PLCG1: variants seen among roughly 807,000 people sequenced by gnomAD.
PLCG1 encodes 1-phosphatidylinositol 4,5-bisphosphate phosphodiesterase gamma-1.
In PLCG1, 71 loss-of-function variants were observed where a neutral mutation model predicts 177.8. The ratio of observed to expected loss-of-function variants is 0.40; its 90% CI spans 0.33 to 0.49. PLCG1 has a LOEUF of 0.49. PLCG1 is among the 20% of genes least tolerant of loss of function. The pLI is 0.72. For synonymous variants in PLCG1, 658 were observed against 647.9 expected (o/e 1.02, Z -0.24); for missense variants, 1,281 against 1,709.0 (o/e 0.75, Z 4.42).
At chr20:41,169,556 T>C (rs1238354740) in intron 23 of PLCG1, 30 bp downstream of exon 23, 1 of 1,541,984 alleles carries the variant, frequency 6.5e-7, no homozygotes. Context: ...TCTTGCCCAC[T>C]GTTCCCTAGG....
chr20:41,164,279 CT>C lies in PLCG1; in HGVS notation c.1217+79del. The C allele has an allele frequency of 7.0e-7, 1 of 1,438,698 alleles. No homozygotes were observed. 89.1% of individuals were successfully genotyped at this position (1,438,698 alleles called of 1,614,324 possible). ...TCTAGAGGGACAGAGGGCAGAAAGA[CT>C]CCTCAAATGCCCTGTCCCCTCTCCC... On this transcript the variant is annotated intron_variant, in intron 12 of 31. Transcript: ENST00000685551. The surrounding 1 kb of genome is among the most constrained non-coding windows in gnomAD (Gnocchi z 6.4).
rs2229348 is a variant in PLCG1 at position 41,162,670 on chromosome 20, C to A, written c.626C>A (p.Thr209Asn). ...TDLEQRSGDITYGQFAQLYRS... is the reference protein window; with the variant it reads ...TDLEQRSGDINYGQFAQLYRS... ...CTGGAGCAGCGCAGCGGGGACATCA[C>A]CTACGGGCAGTTTGCTCAGCTGTAC... Residue 209 changes from threonine (T) to asparagine (N), a missense_variant, in exon 6 of 32, where the codon ACC becomes AAC. Physicochemically the swap from Thr to Asn is moderately conservative, Grantham distance 65. Coordinates refer to ENST00000685551, the MANE Select transcript of PLCG1 (RefSeq NM_002660.3). The A allele has an allele frequency of 7.8e-5, 126 of 1,614,030 alleles. No homozygotes were observed. The African/African-American group carries it at 1.6e-3, about 20-fold the overall frequency.
At position 41,174,081 on chromosome 20, in the gene PLCG1, C is replaced by T; in HGVS notation, c.3646-43C>T. The T allele has an allele frequency of 6.2e-7, 1 of 1,604,182 alleles. No individual in the cohort carries two copies. Among genetic ancestry groups the T allele is most frequent in the Non-Finnish European group, 8.5e-7 (1 of 1,171,290 alleles). On this transcript the variant is annotated intron_variant, in intron 30 of 31. Transcript: ENST00000685551. The surrounding 1 kb of genome is among the most constrained non-coding windows in gnomAD (Gnocchi z 5.8). ...AGCCAGGCAGCAGCCTCTAGAAGTG[C>T]AGAGGAGTCATTGACCCTCTTGTGC...
chr20:41,159,957 T>C lies in PLCG1; in HGVS notation c.458T>C (p.Ile153Thr), dbSNP rs1441800729. 6.2e-7 allele frequency: 1 copy of C among 1,613,110 alleles called. No individual in the cohort carries two copies. Residue 153 changes from isoleucine (I) to threonine (T), a missense_variant, in exon 3 of 32, where the codon ATT (isoleucine) becomes ACT (threonine). By Grantham distance (89) the Ile-to-Thr change is moderately conservative (BLOSUM62 -1). Transcript: ENST00000685551. The surrounding 1 kb of genome is among the most constrained non-coding windows in gnomAD (Gnocchi z 6.0). ...DTLQAPTPLQ[I>T]ERWLRKQFYS... is the part of the protein sequence containing the mutation. Reference sequence around the variant, plus strand: ...TTGCAGGCACCCACACCCCTGCAGATTGAGAGGTAAGAACCACTCCTGAAG... The same window carrying C: ...TTGCAGGCACCCACACCCCTGCAGACTGAGAGGTAAGAACCACTCCTGAAG...
At chr20:41,161,307 C>T (rs960812276) in intron 4 of PLCG1, among the ~76,000 whole-genome samples, 4 of 152,014 alleles carry the variant, frequency 2.6e-5, no homozygotes, top group South Asian at 4.2e-4. Flanking sequence ...GTCACCCTAG[C>T]GGTGAGGGGC....
At position 41,137,854 on chromosome 20, in the gene PLCG1, G is replaced by A. The variant is rs776963671; in HGVS notation, c.213G>A (p.Gly71=). 3 of 1,282,060 alleles carry A rather than the reference G, an allele frequency of 2.3e-6. No homozygotes were observed. Among genetic ancestry groups the A allele is most frequent in the African/African-American group, 1.5e-5 (1 of 65,472 alleles). The allele number at this position is 1,282,060 out of a possible 1,614,324, so 79.4% of individuals were successfully genotyped here. A position where few individuals can be genotyped will look rare whatever the true frequency, so the allele number is the denominator to read the frequency against. ...TWSRGADKIE[G]AIDIREIKEI... The stretch of plus-strand genomic sequence containing the variant: ...GCCGGGGCGCCGACAAGATCGAGGG[G>A]GCCAGTAAGTGCGCCCACTTCCTGC... Residue 71 remains glycine, a synonymous_variant, in exon 1 of 32, where the codon GGG becomes GGA. Coordinates refer to ENST00000685551, the MANE Select transcript of PLCG1 (RefSeq NM_002660.3). This position sits in a 1 kb window ranked among gnomAD's most constrained non-coding sequence, Gnocchi z 7.3.
chr20:41,160,752 C>T lies in PLCG1; in HGVS notation c.512+599C>T, dbSNP rs1259717761. Among the ~76,000 whole-genome samples the T allele has an allele frequency of 6.6e-6, 1 of 152,086 alleles. No individual in the cohort carries two copies. Among genetic ancestry groups the T allele is most frequent in the African/African-American group, 2.4e-5 (1 of 41,412 alleles). On this transcript the variant is annotated intron_variant, in intron 4 of 31. Transcript: ENST00000685551. The surrounding 1 kb of genome is among the most constrained non-coding windows in gnomAD (Gnocchi z 5.5). ...ATGGTAGGAAGTGGCTGGATTTTGG[C>T]CATGTTGTATTTTGAAGATAGCGCC...
At position 41,141,246 on chromosome 20, in the gene PLCG1, T is replaced by C. The variant is rs568158692; in HGVS notation, c.217+3388T>C. On this transcript the variant is annotated intron_variant, in intron 1 of 31. Coordinates refer to ENST00000685551, the MANE Select transcript of PLCG1 (RefSeq NM_002660.3). Reference sequence around the variant, plus strand: ...CATGGGGACTTCTGAGGCCCCAGGCTTCTGTCTTTGGCTGATCCTTCACTA... The same window carrying C: ...CATGGGGACTTCTGAGGCCCCAGGCCTCTGTCTTTGGCTGATCCTTCACTA... 1.3e-3 allele frequency among the ~76,000 whole-genome samples: 191 copies of C among 152,368 alleles called. 1 individual carries two copies. Among genetic ancestry groups the C allele is most frequent in the African/African-American group, 4.3e-3 (180 of 41,584 alleles).
chr20:41,154,889 G>A (rs564903461), intron 1 of PLCG1, among the ~76,000 whole-genome samples: 1 of 152,318 alleles, frequency 6.6e-6, no homozygotes, highest in African/African-American at 2.4e-5. Context: ...AGAGTGCTTG[G>A]GCATAGGGTG....
At chr20:41,158,996 G>A (rs2035408217) in intron 1 of PLCG1, among the ~76,000 whole-genome samples, 1 of 152,230 alleles carries the variant, frequency 6.6e-6, no homozygotes, top group Admixed American at 6.5e-5. Flanking sequence ...CTAAGATAAG[G>A]AAATGGTCCC....
rs1310058123 is a variant in PLCG1, at chr20:41,176,805, CAG to C, written c.*2299_*2300del. The stretch of plus-strand genomic sequence containing the variant: ...GACAAATGTTGATTGACCCAGAAGG[CAG>C]AGTGTTTGTTGGTGGGGAAGACCCT... On this transcript the variant is annotated 3_prime_UTR_variant, in exon 32 of 32. Transcript: ENST00000685551. 4.1e-5 allele frequency: 6 copies of C among 147,662 alleles called. No individual in the cohort carries two copies. Among genetic ancestry groups the C allele is most frequent in the African/African-American group, 7.4e-5 (3 of 40,678 alleles). 9.1% of individuals were successfully genotyped at this position (147,662 alleles called of 1,614,324 possible).
In PLCG1 at chr20:41,165,775, T is replaced by A; in HGVS notation, c.1748T>A (p.Phe583Tyr). Residue 583 changes from phenylalanine to tyrosine, a missense_variant, in exon 16 of 32, where the codon TTC (phenylalanine) becomes TAC (tyrosine). Transcript: ENST00000685551. This position sits in a 1 kb window ranked among gnomAD's most constrained non-coding sequence, Gnocchi z 6.6. Reference sequence around the variant, plus strand: ...GAGACCGGAGCCCCTGACGGCTCCTTCCTCGTGCGAGAGAGTGAGACCTTC... The same window carrying A: ...GAGACCGGAGCCCCTGACGGCTCCTACCTCGTGCGAGAGAGTGAGACCTTC... ...CIETGAPDGS[F>Y]LVRESETFVG... 8.7e-6 allele frequency: 14 copies of A among 1,606,908 alleles called. No individual in the cohort carries two copies. The highest frequency in any genetic ancestry group is 1.3e-5 in the African/African-American group (1 of 74,896).
intron 24 of PLCG1, 134 bp downstream of exon 24, chr20:41,170,403 G>T: frequency 1.2e-6 from 1 of 809,508 alleles, no homozygotes; most frequent in East Asian, 2.7e-5. Flanking sequence ...CACAGCCCCT[G>T]CCTTAGCTAG....
intron 4 of PLCG1, among the ~76,000 whole-genome samples, chr20:41,161,529 T>G (rs2035496021): frequency 6.6e-6 from 1 of 152,146 alleles, no homozygotes; most frequent in South Asian, 2.1e-4. Context: ...CTCTGTTTCC[T>G]CACTGGAAAA....
Position 41,159,239 on chromosome 20 carries a change from T to C in PLCG1, c.218-367T>C, listed in dbSNP as rs1215104904. 6.6e-6 allele frequency among the ~76,000 whole-genome samples: 1 copy of C among 152,148 alleles called. No homozygotes were observed. Among genetic ancestry groups the C allele is most frequent in the African/African-American group, 2.4e-5 (1 of 41,434 alleles). On this transcript the variant is annotated intron_variant, in intron 1 of 31. Transcript: ENST00000685551. The surrounding 1 kb of genome is among the most constrained non-coding windows in gnomAD (Gnocchi z 6.0). ...TGCCTCTGGGACTTTATGATTTGAT[T>C]TGTGTGTACCTTGTGTCAGGAAGTG...
intron 1 of PLCG1, among the ~76,000 whole-genome samples, chr20:41,143,001 C>G (rs1457332054): frequency 6.6e-6 from 1 of 152,220 alleles, no homozygotes; most frequent in African/African-American, 2.4e-5. Context: ...CGCCCATCCT[C>G]TCTTGCAGCT....
At chr20:41,169,359 G>C in intron 22 of PLCG1, 98 bp from the exon 23 acceptor site, 1 of 1,059,878 alleles carries the variant, frequency 9.4e-7, no homozygotes, top group Middle Eastern at 2.0e-4. Flanking sequence ...GCAGTCACAG[G>C]TACACCCACA....
At chr20:41,139,768 G>A (rs140873744) in intron 1 of PLCG1, among the ~76,000 whole-genome samples, 28 of 152,282 alleles carry the variant, frequency 1.8e-4, no homozygotes, top group African/African-American at 6.0e-4. Flanking sequence ...GAGGGGGTGA[G>A]GTGTGGCTAT....
chr20:41,143,705 T>G (rs770627275), intron 1 of PLCG1, among the ~76,000 whole-genome samples: 4 of 152,192 alleles, frequency 2.6e-5, no homozygotes, highest in African/African-American at 7.2e-5. Context: ...CTGGTCAGAT[T>G]TGGGTTCAGG....
Sources: gnomAD v4.1 joint callset for allele counts (sites outside exome capture counted in the v4.1 genomes callset) on GRCh38, gnomAD v4.1.1 for gene constraint, Gnocchi (gnomAD v3.1) non-coding constraint, MANE v1.5 for transcripts, NCBI Gene and HGNC (gene_info 2026-07-23, HGNC 2026-07-21) for gene names.